The following EPCAM variants were observed in gnomAD, a reference collection of about 807,000 sequenced individuals.
EPCAM encodes adenocarcinoma-associated antigen.
In EPCAM, 39 loss-of-function variants were observed where a neutral mutation model predicts 40.0. The observed-to-expected ratio is 0.98, with a 90% CI of 0.76 to 1.27. The LOEUF is 1.27. Ranked by LOEUF, EPCAM falls within the 50% of genes most tolerant of loss-of-function variation. The pLI is 0.00. For synonymous variants in EPCAM, 168 were observed against 132.3 expected (o/e 1.27, Z -1.85); for missense variants, 503 against 381.2 (o/e 1.32, Z -2.66).
chr2:47,374,175 T>G, intron 3 of EPCAM, 127 bp downstream of exon 3: 1 of 1,096,840 alleles, frequency 9.1e-7, no homozygotes, highest in Non-Finnish European at 1.3e-6. Context: ...AGTGAAAAGC[T>G]TCCTTCTCAT....
At position 47,369,359 on chromosome 2, in the gene EPCAM, G is replaced by A. The variant is rs1273583869; in HGVS notation, c.-147G>A. The A allele has an allele frequency of 2.5e-6, 3 of 1,215,776 alleles. No individual in the cohort carries two copies. Among genetic ancestry groups the A allele is most frequent in the African/African-American group, 1.6e-5 (1 of 62,388 alleles). The allele number at this position is 1,215,776 out of a possible 1,614,324, so 75.3% of individuals were successfully genotyped here. A position where few individuals can be genotyped will look rare whatever the true frequency, so the allele number is the denominator to read the frequency against. ...GCGAGCACCTTCGACGCGGTCCGGG[G>A]ACCCCCTCGTCGCTGTCCTCCCGAC... On this transcript the variant is annotated 5_prime_UTR_variant, in exon 1 of 9. Coordinates refer to ENST00000263735, the MANE Select transcript of EPCAM (RefSeq NM_002354.3).
At chr2:47,384,246 G>T (rs1005791006) in intron 7 of EPCAM, among the ~76,000 whole-genome samples, 1 of 151,766 alleles carries the variant, frequency 6.6e-6, no homozygotes, top group Non-Finnish European at 1.5e-5. Context: ...TGGGATTACA[G>T]GCGCCTGCCA....
At position 47,373,799 on chromosome 2, in the gene EPCAM, C is replaced by A. The variant is rs863224388; in HGVS notation, c.185-9C>A. The A allele has an allele frequency of 1.2e-6, 2 of 1,613,680 alleles. No individual in the cohort carries two copies. The highest frequency in any genetic ancestry group is 1.3e-5 in the African/African-American group (1 of 74,880). On this transcript the variant is annotated splice_polypyrimidine_tract_variant and intron_variant, in intron 2 of 8. Coordinates refer to ENST00000263735, the MANE Select transcript of EPCAM (RefSeq NM_002354.3). Reference sequence around the variant, plus strand: ...ATTTTTCAGTTTGGCATTAAGGTTTCTTTTTCAGTGGCTGCCAAATGTTTG... The same window carrying A: ...ATTTTTCAGTTTGGCATTAAGGTTTATTTTTCAGTGGCTGCCAAATGTTTG...
Position 47,386,996 on chromosome 2 carries a change from A to G in EPCAM, c.*383A>G, listed in dbSNP as rs149731012. Reference sequence around the variant, plus strand: ...GTACATACATACTTTTTTATGAGCTATGAAATAAAACATTTTAAACTGAAT... The same window carrying G: ...GTACATACATACTTTTTTATGAGCTGTGAAATAAAACATTTTAAACTGAAT... On this transcript the variant is annotated 3_prime_UTR_variant, in exon 9 of 9. Transcript: ENST00000263735. 145 of 233,468 alleles carry G rather than the reference A, an allele frequency of 6.2e-4. No individual in the cohort carries two copies. The highest frequency in any genetic ancestry group is 3.1e-3 in the African/African-American group (141 of 45,306). The allele number at this position is 233,468 out of a possible 1,614,324, so 14.5% of individuals were successfully genotyped here. A position where few individuals can be genotyped will look rare whatever the true frequency, so the allele number is the denominator to read the frequency against.
intron 1 of EPCAM, among the ~76,000 whole-genome samples, chr2:47,370,946 C>T (rs952496121): frequency 2.6e-5 from 4 of 152,110 alleles, no homozygotes; most frequent in African/African-American, 9.7e-5. Flanking sequence ...CTCCTGACCT[C>T]AGGTGATCCA....
At position 47,375,241 on chromosome 2, in the gene EPCAM, A is replaced by G. The variant is rs1481507644; in HGVS notation, c.433A>G (p.Ile145Val). 1.9e-6 allele frequency: 3 copies of G among 1,608,578 alleles called. No individual in the cohort carries two copies. In the Admixed American group the frequency reaches 5.0e-5, roughly 27 times the overall value. Reference sequence around the variant, plus strand: ...TGTCTTTTTACTTTATAGCTGGATCATCATTGAACTAAAACACAAAGCAAG... The same window carrying G: ...TGTCTTTTTACTTTATAGCTGGATCGTCATTGAACTAAAACACAAAGCAAG... ...CSERVRTYWI[I>V]IELKHKAREK... is the part of the protein sequence containing the mutation. Residue 145 changes from isoleucine to valine, a missense_variant, in exon 4 of 9, where the codon ATC (isoleucine) becomes GTC (valine). Coordinates refer to ENST00000263735, the MANE Select transcript of EPCAM (RefSeq NM_002354.3).
chr2:47,385,413 G>T (rs546139632), intron 8 of EPCAM, among the ~76,000 whole-genome samples: 1 of 152,250 alleles, frequency 6.6e-6, no homozygotes, highest in South Asian at 2.1e-4. Flanking sequence ...TCTGTTTTCT[G>T]CCTCATAGAA....
intron 1 of EPCAM, among the ~76,000 whole-genome samples, chr2:47,372,505 G>A (rs1001274437): frequency 3.3e-5 from 5 of 152,194 alleles, no homozygotes; most frequent in Admixed American, 3.3e-4. Context: ...CGGGCGCGGT[G>A]GCTGACACCT....
intron 1 of EPCAM, among the ~76,000 whole-genome samples, chr2:47,372,652 G>T (rs1001092284): frequency 6.6e-6 from 1 of 152,006 alleles, no homozygotes. Context: ...TACCCCTGTA[G>T]TCCCAGCTAC....
intron 5 of EPCAM, chr2:47,377,835 T>C: frequency 2.3e-6 from 1 of 433,380 alleles, no homozygotes; most frequent in Non-Finnish European, 4.6e-6. Flanking sequence ...TAAACTCTGG[T>C]TTAAAAAATA....
chr2:47,384,490 T>A (rs774224601), intron 7 of EPCAM, among the ~76,000 whole-genome samples: 156 of 152,116 alleles, frequency 1.0e-3, no homozygotes, highest in South Asian at 1.9e-3. Flanking sequence ...CTCGGCTCAC[T>A]GCAACCTCTG....
At chr2:47,373,231 A>AAAAAAAAAAAC (rs1558434793) in intron 1 of EPCAM, among the ~76,000 whole-genome samples, 1 of 137,230 alleles carries the variant, frequency 7.3e-6, no homozygotes. Context: ...AAAAAAAAAA[A>AAAAAAAAAAAC]AAAACAGGAA....
chr2:47,374,251 C>T (rs1048632158), intron 3 of EPCAM, among the ~76,000 whole-genome samples: 1 of 152,004 alleles, frequency 6.6e-6, no homozygotes, highest in Non-Finnish European at 1.5e-5. Flanking sequence ...CTATAACCTT[C>T]CAGAGATAGT....
chr2:47,378,935 T>C lies in EPCAM; in HGVS notation c.556-18T>C, dbSNP rs752851950. 59 of 1,028,624 alleles carry C rather than the reference T, an allele frequency of 5.7e-5. No individual in the cohort carries two copies. The highest frequency in any genetic ancestry group is 8.3e-5 in the Non-Finnish European group (54 of 646,876). The allele number at this position is 1,028,624 out of a possible 1,614,324, so 63.7% of individuals were successfully genotyped here. On this transcript the variant is annotated intron_variant, in intron 5 of 8. Coordinates refer to ENST00000263735, the MANE Select transcript of EPCAM (RefSeq NM_002354.3). ...ATTATATTAGTATTAATTTGTATTA[T>C]TCAATTTTTTTCCCCAGTATGAGAA...
chr2:47,376,164 T>C (rs969956326), intron 4 of EPCAM, among the ~76,000 whole-genome samples: 1 of 152,106 alleles, frequency 6.6e-6, no homozygotes, highest in African/African-American at 2.4e-5. Flanking sequence ...TGGCCTTTCT[T>C]TGTCTTCCAT....
intron 7 of EPCAM, among the ~76,000 whole-genome samples, chr2:47,382,744 C>T (rs751586375): frequency 1.1e-4 from 16 of 152,064 alleles, no homozygotes; most frequent in Non-Finnish European, 1.2e-4. Context: ...GAGTGTGTAT[C>T]AGTAAGAGAG....
intron 7 of EPCAM, 118 bp from the exon 8 acceptor site, chr2:47,385,048 T>C: frequency 1.2e-6 from 1 of 802,030 alleles, no homozygotes; most frequent in Non-Finnish European, 2.2e-6. Flanking sequence ...TATGGATAGA[T>C]GTTAAAATTA....
intron 1 of EPCAM, 118 bp downstream of exon 1, chr2:47,369,699 A>C (rs1477587243): frequency 9.2e-7 from 1 of 1,087,088 alleles, no homozygotes; most frequent in Non-Finnish European, 1.4e-6. Context: ...CGCGCTTTCC[A>C]GCGTGGAGAC....
At chr2:47,369,617 G>A (rs1186986155) in intron 1 of EPCAM, 36 bp downstream of exon 1, 10 of 1,564,816 alleles carry the variant, frequency 6.4e-6, no homozygotes, top group South Asian at 2.3e-5. Flanking sequence ...GTGGAGCTGG[G>A]CTGGGCTGGG....
Sources: allele counts gnomAD v4.1 joint callset (sites outside exome capture counted in the v4.1 genomes callset), GRCh38; gene constraint gnomAD v4.1.1; transcripts MANE v1.5; gene names NCBI Gene and HGNC (gene_info 2026-07-23, HGNC 2026-07-21).